SLC35F3: variants seen among roughly 807,000 people sequenced by gnomAD.
The protein encoded by SLC35F3 is solute carrier family 35 member F3.
Under a neutral mutation model 49.9 loss-of-function variants are expected in SLC35F3, and 25 were observed. That is an observed-to-expected ratio of 0.50 (90% CI 0.37 to 0.70). The LOEUF is 0.70. Among genes scored for constraint, SLC35F3 ranks in the 30% least tolerant of loss-of-function variants. The probability of loss-of-function intolerance (pLI) is 0.00; values close to 1 mark genes in which losing one functional copy is unlikely to be tolerated. For synonymous variants in SLC35F3, 275 were observed against 265.4 expected (o/e 1.04, Z -0.35); for missense variants, 525 against 639.8 (o/e 0.82, Z 1.94).
chr1:234,038,904 CT>C (rs1441161840), intron 2 of SLC35F3, among the ~76,000 whole-genome samples: 1 of 152,044 alleles, frequency 6.6e-6, no homozygotes, highest in Non-Finnish European at 1.5e-5. Context: ...GGTTTCTGGA[CT>C]GGGAAAATGG....
chr1:233,981,237 T>C (rs1663176937), intron 2 of SLC35F3, among the ~76,000 whole-genome samples: 1 of 152,214 alleles, frequency 6.6e-6, no homozygotes, highest in Non-Finnish European at 1.5e-5. Context: ...ACTTTATGCA[T>C]TGCATAATCA....
chr1:234,323,397 C>T lies in SLC35F3; in HGVS notation c.*154C>T. The T allele has an allele frequency of 1.6e-6, 1 of 627,158 alleles. No individual in the cohort carries two copies. Among genetic ancestry groups the T allele is most frequent in the East Asian group, 2.7e-5 (1 of 36,424 alleles). The allele number at this position is 627,158 out of a possible 1,614,324, so 38.8% of individuals were successfully genotyped here. On this transcript the variant is annotated 3_prime_UTR_variant, in exon 8 of 8. Coordinates refer to ENST00000366618, the MANE Select transcript of SLC35F3 (RefSeq NM_173508.4). The surrounding 1 kb of genome is among the most constrained non-coding windows in gnomAD (Gnocchi z 4.5). ...GCATGTCCAATTTGCTTGCACTTTT[C>T]CACATCAGACCTTCCACTTAAGGGT...
intron 2 of SLC35F3, among the ~76,000 whole-genome samples, chr1:234,186,677 A>G (rs1318632616): frequency 1.3e-5 from 2 of 152,192 alleles, no homozygotes; most frequent in Non-Finnish European, 2.9e-5. Flanking sequence ...TCATGGGTCC[A>G]CCATCTTAAT....
At chr1:234,295,965 T>A (rs1472133893) in intron 3 of SLC35F3, among the ~76,000 whole-genome samples, 1 of 152,260 alleles carries the variant, frequency 6.6e-6, no homozygotes, top group African/African-American at 2.4e-5. Flanking sequence ...TAAATGCTGT[T>A]GGATCATGTG....
rs1457890906 is a variant in SLC35F3 at position 234,323,876 on chromosome 1, C to G, written c.*633C>G. ...AAGTCCAAGCCCCGGCTGGCCTGCT[C>G]TCACGTGTCTGTGTAAGATCATGCA... On this transcript the variant is annotated 3_prime_UTR_variant, in exon 8 of 8. Coordinates refer to ENST00000366618, the MANE Select transcript of SLC35F3 (RefSeq NM_173508.4). The surrounding 1 kb of genome is among the most constrained non-coding windows in gnomAD (Gnocchi z 4.5). 1 of 153,568 alleles carries G rather than the reference C, an allele frequency of 6.5e-6. No homozygotes were observed. The highest frequency in any genetic ancestry group is 1.4e-5 in the Non-Finnish European group (1 of 69,042). The allele number at this position is 153,568 out of a possible 1,614,324, so 9.5% of individuals were successfully genotyped here.
At position 234,100,614 on chromosome 1, in the gene SLC35F3, C is replaced by A. The variant is rs529845832; in HGVS notation, c.284-130803C>A. Among the ~76,000 whole-genome samples the A allele has an allele frequency of 2.0e-5, 3 of 152,290 alleles. No homozygotes were observed. The South Asian group carries it at 6.2e-4, about 32-fold the overall frequency. ...ATCAATCTAAATGGTCCTGGAACAA[C>A]TTGGTGATCTAACTTGGAAATAAAT... is the stretch of plus-strand genomic sequence containing the variant. On this transcript the variant is annotated intron_variant, in intron 2 of 7. Coordinates refer to ENST00000366618, the MANE Select transcript of SLC35F3 (RefSeq NM_173508.4).
rs576608681 is a variant in SLC35F3 at position 233,926,048 on chromosome 1, C to T, written c.283+20290C>T. On this transcript the variant is annotated intron_variant, in intron 2 of 7. Transcript: ENST00000366618. ...CCTTTGTGGGTAACCCAACCTTTCT[C>T]TCTGGCTGCCCTTAACATTTTTTCC... is the stretch of plus-strand genomic sequence containing the variant. Among the ~76,000 whole-genome samples, 79 of 152,290 alleles carry T rather than the reference C, an allele frequency of 5.2e-4. No individual in the cohort carries two copies. In the South Asian group the frequency reaches 0.016, roughly 31 times the overall value.
In SLC35F3 at chr1:234,046,566, T is replaced by A. The variant is rs1664294475; in HGVS notation, c.283+140808T>A. Among the ~76,000 whole-genome samples the A allele has an allele frequency of 6.6e-6, 1 of 152,152 alleles. No homozygotes were observed. The highest frequency in any genetic ancestry group is 1.5e-5 in the Non-Finnish European group (1 of 67,994). ...CTGTGGTTTTTATTTGCACTTTGTT[T>A]GTGAGGTCTTTTTTGTTTGTGCAAG... On this transcript the variant is annotated intron_variant, in intron 2 of 7. Transcript: ENST00000366618. The surrounding 1 kb of genome is among the most constrained non-coding windows in gnomAD (Gnocchi z 4.4).
intron 2 of SLC35F3, among the ~76,000 whole-genome samples, chr1:233,927,652 A>C (rs1662181530): frequency 1.3e-5 from 2 of 152,162 alleles, no homozygotes. Flanking sequence ...ATTTTTGAAC[A>C]CTAAAATACA....
chr1:234,200,615 T>G (rs1644326244), intron 2 of SLC35F3, among the ~76,000 whole-genome samples: 1 of 152,176 alleles, frequency 6.6e-6, no homozygotes, highest in Non-Finnish European at 1.5e-5. Context: ...TTTCTTAAAA[T>G]TAAGTATTTT....
At chr1:234,096,180 C>T (rs535727366) in intron 2 of SLC35F3, among the ~76,000 whole-genome samples, 14 of 152,324 alleles carry the variant, frequency 9.2e-5, no homozygotes, top group African/African-American at 3.4e-4. Context: ...GTCCTTTCCA[C>T]GACTTGTAGT....
chr1:234,092,860 C>G (rs1226587554), intron 2 of SLC35F3, among the ~76,000 whole-genome samples: 1 of 152,060 alleles, frequency 6.6e-6, no homozygotes, highest in Non-Finnish European at 1.5e-5. Context: ...AGAGCAAGAC[C>G]CTGTCTCTAA....
At chr1:234,312,544 C>G (rs1028105989) in intron 4 of SLC35F3, among the ~76,000 whole-genome samples, 2 of 152,158 alleles carry the variant, frequency 1.3e-5, no homozygotes, top group African/African-American at 2.4e-5. Context: ...AACCTGAGCC[C>G]AGCATGGGGG....
At chr1:233,920,540 C>T (rs767434653) in intron 2 of SLC35F3, among the ~76,000 whole-genome samples, 2 of 152,322 alleles carry the variant, frequency 1.3e-5, no homozygotes, top group East Asian at 1.9e-4. Context: ...AGTGTCCTGA[C>T]GGACAAACTC....
chr1:234,076,511 G>A (rs566392961), intron 2 of SLC35F3, among the ~76,000 whole-genome samples: 2 of 151,610 alleles, frequency 1.3e-5, no homozygotes, highest in South Asian at 2.1e-4. Flanking sequence ...GCCCAGGCTG[G>A]AGTGCAGTGG....
rs878878098 is a variant in SLC35F3 at position 234,323,537 on chromosome 1, G to A, written c.*294G>A. On this transcript the variant is annotated 3_prime_UTR_variant, in exon 8 of 8. Transcript: ENST00000366618. This position sits in a 1 kb window ranked among gnomAD's most constrained non-coding sequence, Gnocchi z 4.5. ...TTTGGATGGCTGACGTTCTTGACAA[G>A]CCAGCCATCAGGGCAAGTGTTTTGA... 9.4e-6 allele frequency: 4 copies of A among 427,038 alleles called. No homozygotes were observed. The highest frequency in any genetic ancestry group is 7.9e-5 in the African/African-American group (4 of 50,604). The allele number at this position is 427,038 out of a possible 1,614,324, so 26.5% of individuals were successfully genotyped here.
At chr1:233,965,842 G>T (rs2102814395) in intron 2 of SLC35F3, among the ~76,000 whole-genome samples, 1 of 152,326 alleles carries the variant, frequency 6.6e-6, no homozygotes. Context: ...AAACCTCTAT[G>T]TAGGGGTAAT....
intron 2 of SLC35F3, among the ~76,000 whole-genome samples, chr1:234,075,601 G>A (rs929194335): frequency 6.6e-6 from 1 of 152,186 alleles, no homozygotes; most frequent in East Asian, 1.9e-4. Flanking sequence ...TTAGAAAAGA[G>A]GACCAAGCTA....
chr1:234,288,684 C>T (rs532262206), intron 3 of SLC35F3, among the ~76,000 whole-genome samples: 21 of 151,890 alleles, frequency 1.4e-4, no homozygotes, highest in Middle Eastern at 6.8e-3. Flanking sequence ...CTGCTACCAC[C>T]ACAGTTTCAC....
Sources: gnomAD v4.1 joint callset for allele counts (sites outside exome capture counted in the v4.1 genomes callset) on GRCh38, gnomAD v4.1.1 for gene constraint, Gnocchi (gnomAD v3.1) non-coding constraint, MANE v1.5 for transcripts, NCBI Gene and HGNC (gene_info 2026-07-23, HGNC 2026-07-21) for gene names.